RNF180: variants seen among roughly 807,000 people sequenced by gnomAD.
RNF180 encodes the protein ring finger protein 180.
A neutral mutation model predicts 59.2 loss-of-function variants in RNF180; 38 were observed. The ratio of observed to expected loss-of-function variants is 0.64; its 90% CI spans 0.50 to 0.84. The LOEUF (loss-of-function observed/expected upper bound fraction) is 0.84, where lower values mean the gene tolerates loss of function less well. RNF180 is among the 40% of genes least tolerant of loss of function. The pLI, the probability that RNF180 is intolerant of heterozygous loss-of-function variation, is 0.00. For missense variants in RNF180, 705 were observed against 700.9 expected (o/e 1.01, Z -0.07); for synonymous variants, 262 against 240.3 (o/e 1.09, Z -0.84).
chr5:64,213,701 A>G lies in RNF180; in HGVS notation c.375A>G (p.Thr125=). The G allele has an allele frequency of 6.2e-7, 1 of 1,614,186 alleles. No homozygotes were observed. The highest frequency in any genetic ancestry group is 8.5e-7 in the Non-Finnish European group (1 of 1,180,016). ...LSKSRTDYQP[T]QAGRLMRPSV... ...AGAGCCGGACTGATTATCAGCCAAC[A>G]CAGGCAGGCAGACTAATGAGACCAT... The change falls in exon 4 of 8, where the codon ACA becomes ACG. Residue 125 remains threonine (T), a synonymous_variant. Coordinates refer to ENST00000389100, the MANE Select transcript of RNF180 (RefSeq NM_001113561.2).
rs1001552750 is a variant in RNF180 at position 64,255,463 on chromosome 5, C to T, written c.1227+38067C>T. On this transcript the variant is annotated intron_variant, in intron 5 of 7. Coordinates refer to ENST00000389100, the MANE Select transcript of RNF180 (RefSeq NM_001113561.2). ...GAACATGTGGTGTATGGTTTTTTGTCCTTGCGATAGTTTGCTGAGAATGAT... is the reference window on the plus strand; with the variant it reads ...GAACATGTGGTGTATGGTTTTTTGTTCTTGCGATAGTTTGCTGAGAATGAT... 5.5e-4 allele frequency among the ~76,000 whole-genome samples: 83 copies of T among 152,136 alleles called. No homozygotes were observed. The South Asian group carries it at 8.5e-3, about 16-fold the overall frequency.
chr5:64,322,588 G>A (rs928061419), intron 5 of RNF180, among the ~76,000 whole-genome samples: 14 of 136,358 alleles, frequency 1.0e-4, no homozygotes, highest in Admixed American at 2.4e-4. Flanking sequence ...TATATATAAC[G>A]GAATATATAT....
intron 5 of RNF180, among the ~76,000 whole-genome samples, chr5:64,252,191 A>G (rs1211172678): frequency 6.6e-6 from 1 of 152,210 alleles, no homozygotes; most frequent in Non-Finnish European, 1.5e-5. Flanking sequence ...ACATATACCA[A>G]TGGATCAGTA....
At chr5:64,298,429 G>A (rs1290764374) in intron 5 of RNF180, among the ~76,000 whole-genome samples, 4 of 151,706 alleles carry the variant, frequency 2.6e-5, no homozygotes, top group African/African-American at 4.8e-5. Context: ...TATGGTAAGG[G>A]GTCCAGTTTC....
intron 7 of RNF180, among the ~76,000 whole-genome samples, chr5:64,364,249 ATTCC>A (rs1381963335): frequency 6.6e-6 from 1 of 151,760 alleles, no homozygotes; most frequent in African/African-American, 2.4e-5. Context: ...ATTGAGGTGT[ATTCC>A]TTCAATGCCT....
intron 4 of RNF180, among the ~76,000 whole-genome samples, chr5:64,215,927 A>G (rs1025014504): frequency 3.3e-5 from 5 of 152,128 alleles, no homozygotes; most frequent in Non-Finnish European, 7.4e-5. Flanking sequence ...ATGATTGATC[A>G]TTTTCCATCA....
chr5:64,289,530 T>C (rs985017815), intron 5 of RNF180, among the ~76,000 whole-genome samples: 2 of 152,164 alleles, frequency 1.3e-5, no homozygotes, highest in Admixed American at 6.5e-5. Context: ...TGGGCTTTTA[T>C]TGGTTGGTAG....
At chr5:64,363,961 G>T (rs773147358) in intron 7 of RNF180, among the ~76,000 whole-genome samples, 5 of 151,796 alleles carry the variant, frequency 3.3e-5, no homozygotes, top group African/African-American at 4.8e-5. Context: ...TGCTGAATTT[G>T]CTTATCAGCT....
At chr5:64,368,296 A>G (rs896695798) in intron 7 of RNF180, among the ~76,000 whole-genome samples, 14 of 151,832 alleles carry the variant, frequency 9.2e-5, no homozygotes, top group African/African-American at 2.9e-4. Flanking sequence ...AGTATAAGAT[A>G]CAAGGTTAAG....
At chr5:64,196,471 C>T (rs1308212890) in intron 1 of RNF180, among the ~76,000 whole-genome samples, 7 of 152,134 alleles carry the variant, frequency 4.6e-5, no homozygotes, top group African/African-American at 1.4e-4. Flanking sequence ...TTGAATTTCA[C>T]TGAGAGTTAT....
chr5:64,262,582 C>A (rs1296336578), intron 5 of RNF180, among the ~76,000 whole-genome samples: 1 of 151,900 alleles, frequency 6.6e-6, no homozygotes, highest in Non-Finnish European at 1.5e-5. Context: ...ATGAAAAAAT[C>A]CTCAGTTAAT....
At chr5:64,223,684 CT>C (rs369993616) in intron 5 of RNF180, among the ~76,000 whole-genome samples, 11 of 151,370 alleles carry the variant, frequency 7.3e-5, no homozygotes, top group South Asian at 4.2e-4. Flanking sequence ...CATATTTTAT[CT>C]TTTTTTTTGA....
chr5:64,167,010 C>T (rs925140428), intron 1 of RNF180, among the ~76,000 whole-genome samples: 1 of 152,180 alleles, frequency 6.6e-6, no homozygotes, highest in African/African-American at 2.4e-5. Flanking sequence ...CTTGAAAGAT[C>T]ATAAACACTT....
At chr5:64,225,776 C>T (rs565116315) in intron 5 of RNF180, among the ~76,000 whole-genome samples, 1 of 135,010 alleles carries the variant, frequency 7.4e-6, no homozygotes, top group East Asian at 2.3e-4. Flanking sequence ...AGGAGCACCT[C>T]TGCCCAGCCT....
In RNF180 at chr5:64,349,801, T is replaced by G. The variant is rs543451508; in HGVS notation, c.1579+19395T>G. Among the ~76,000 whole-genome samples, 870 of 152,268 alleles carry G rather than the reference T, an allele frequency of 5.7e-3. 5 individuals carry two copies. Among genetic ancestry groups the G allele is most frequent in the Non-Finnish European group, 0.01 (682 of 68,014 alleles). ...TTTATGGCTGCATAGTATTCCATGG[T>G]GTATATGTGCCACATTTTCTTAATC... On this transcript the variant is annotated intron_variant, in intron 7 of 7. Coordinates refer to ENST00000389100, the MANE Select transcript of RNF180 (RefSeq NM_001113561.2).
chr5:64,251,753 C>T (rs1049397527), intron 5 of RNF180, among the ~76,000 whole-genome samples: 5 of 151,966 alleles, frequency 3.3e-5, no homozygotes, highest in South Asian at 2.1e-4. Flanking sequence ...AATTCAGTAA[C>T]GATACAGAAT....
At chr5:64,209,994 A>G (rs1284423363) in intron 2 of RNF180, among the ~76,000 whole-genome samples, 4 of 152,122 alleles carry the variant, frequency 2.6e-5, no homozygotes, top group Admixed American at 2.6e-4. Context: ...AATTTTGTGT[A>G]TGAGTTGGAG....
intron 5 of RNF180, among the ~76,000 whole-genome samples, chr5:64,284,064 T>A (rs1561238036): frequency 6.6e-6 from 1 of 151,850 alleles, no homozygotes; most frequent in Non-Finnish European, 1.5e-5. Context: ...TAACAAAATC[T>A]CTTGACATTT....
intron 5 of RNF180, among the ~76,000 whole-genome samples, chr5:64,292,838 C>T (rs1234501150): frequency 6.6e-6 from 1 of 152,182 alleles, no homozygotes; most frequent in Non-Finnish European, 1.5e-5. Flanking sequence ...TGCTGAAATT[C>T]CCACAGTGAG....
Sources: allele counts gnomAD v4.1 joint callset (sites outside exome capture counted in the v4.1 genomes callset), GRCh38; gene constraint gnomAD v4.1.1; transcripts MANE v1.5; gene names NCBI Gene and HGNC (gene_info 2026-07-23, HGNC 2026-07-21).